SLIT3: variants seen among roughly 807,000 people sequenced by gnomAD.
SLIT3 encodes slit homolog 3 protein.
Under a neutral mutation model 184.0 loss-of-function variants are expected in SLIT3, and 68 were observed. The observed-to-expected ratio is 0.37, with a 90% CI of 0.30 to 0.45. The LOEUF (loss-of-function observed/expected upper bound fraction) is 0.45. SLIT3 is among the 20% of genes least tolerant of loss of function. SLIT3 has a pLI of 1.00. For missense variants in SLIT3, 1,707 were observed against 2,026.0 expected, an observed-to-expected ratio of 0.84 and a Z score of 3.02; for synonymous variants, 831 against 828.6, an observed-to-expected ratio of 1.00 and a Z score of -0.05.
intron 4 of SLIT3, among the ~76,000 whole-genome samples, chr5:168,916,194 T>G (rs549700877): frequency 2.7e-4 from 41 of 152,238 alleles, no homozygotes; most frequent in Non-Finnish European, 3.7e-4. Flanking sequence ...GAGCCCACAT[T>G]TGAGTGATCT....
Position 169,239,235 on chromosome 5 carries a change from A to C in SLIT3, c.341+5470T>G, listed in dbSNP as rs192619437. ...TATCCTTTTCACCTATAACTGAATT[A>C]ATTTGCTAGTATTTTGTTAGGAAAT... On this transcript the variant is annotated intron_variant, in intron 3 of 35. Coordinates refer to ENST00000519560, the MANE Select transcript of SLIT3 (RefSeq NM_003062.4). 7.2e-5 allele frequency among the ~76,000 whole-genome samples: 11 copies of C among 152,214 alleles called. No homozygotes were observed. The East Asian group carries it at 1.7e-3, about 24-fold the overall frequency.
At chr5:169,276,357 A>C (rs761272659) in intron 1 of SLIT3, among the ~76,000 whole-genome samples, 11 of 152,326 alleles carry the variant, frequency 7.2e-5, no homozygotes, top group East Asian at 1.9e-4. Context: ...CAATAAGCGG[A>C]GAAAAGTGTG....
chr5:168,691,585 C>A (rs1194888318), intron 29 of SLIT3, among the ~76,000 whole-genome samples: 1 of 152,218 alleles, frequency 6.6e-6, no homozygotes, highest in Non-Finnish European at 1.5e-5. Context: ...GAGCTCTGGG[C>A]CCAGGGCCCT....
chr5:168,898,500 C>T (rs1449995469), intron 4 of SLIT3, among the ~76,000 whole-genome samples: 1 of 151,484 alleles, frequency 6.6e-6, no homozygotes, highest in Admixed American at 6.6e-5. Context: ...ATCAATTAAG[C>T]ATGTCAATAC....
chr5:168,719,643 T>C (rs1762874200), intron 23 of SLIT3, among the ~76,000 whole-genome samples: 1 of 152,226 alleles, frequency 6.6e-6, no homozygotes, highest in African/African-American at 2.4e-5. Context: ...GTGGCCCTTG[T>C]AGGTAATACT....
intron 4 of SLIT3, among the ~76,000 whole-genome samples, chr5:169,130,973 A>G (rs991311145): frequency 6.6e-6 from 1 of 152,194 alleles, no homozygotes; most frequent in African/African-American, 2.4e-5. Flanking sequence ...GGTGAAAAAA[A>G]ATCAAGAAAC....
chr5:169,114,282 T>C (rs1021346131), intron 4 of SLIT3, among the ~76,000 whole-genome samples: 1 of 152,226 alleles, frequency 6.6e-6, no homozygotes, highest in Non-Finnish European at 1.5e-5. Flanking sequence ...AGAGCCTCCA[T>C]CTGCCTGGGC....
intron 3 of SLIT3, among the ~76,000 whole-genome samples, chr5:169,235,204 T>G (rs1765153361): frequency 6.6e-6 from 1 of 152,188 alleles, no homozygotes; most frequent in African/African-American, 2.4e-5. Flanking sequence ...TTAAATCCCT[T>G]TATCTCTATA....
intron 4 of SLIT3, among the ~76,000 whole-genome samples, chr5:169,083,485 G>A (rs1352095058): frequency 6.6e-6 from 1 of 152,204 alleles, no homozygotes; most frequent in African/African-American, 2.4e-5. Flanking sequence ...AGGGCTATCA[G>A]CACGCCTTAA....
At chr5:169,073,426 A>C (rs1457143376) in intron 4 of SLIT3, among the ~76,000 whole-genome samples, 1 of 148,024 alleles carries the variant, frequency 6.8e-6, no homozygotes, top group Non-Finnish European at 1.5e-5. Context: ...TTGGTACTGC[A>C]CCTCCTTCTT....
chr5:169,126,240 T>C (rs1364041637), intron 4 of SLIT3, among the ~76,000 whole-genome samples: 5 of 152,182 alleles, frequency 3.3e-5, no homozygotes, highest in Non-Finnish European at 7.3e-5. Flanking sequence ...CCTATTTATG[T>C]TCTGAAGTGA....
chr5:168,906,497 T>G (rs779694155), intron 4 of SLIT3, among the ~76,000 whole-genome samples: 23 of 152,212 alleles, frequency 1.5e-4, no homozygotes, highest in Non-Finnish European at 2.2e-4. Context: ...TTAAAATACC[T>G]GCATCCATTA....
intron 4 of SLIT3, among the ~76,000 whole-genome samples, chr5:168,894,966 C>A (rs1163491218): frequency 6.6e-6 from 1 of 152,168 alleles, no homozygotes; most frequent in Non-Finnish European, 1.5e-5. Context: ...ATAATCTACA[C>A]TGTGATCTGA....
At chr5:169,066,484 A>G (rs1417988823) in intron 4 of SLIT3, among the ~76,000 whole-genome samples, 3 of 152,298 alleles carry the variant, frequency 2.0e-5, no homozygotes, top group East Asian at 3.9e-4. Context: ...TAAATCAACC[A>G]CCATTCCCTG....
chr5:169,178,583 C>CCA (rs1159010838), intron 4 of SLIT3, among the ~76,000 whole-genome samples: 1 of 152,054 alleles, frequency 6.6e-6, no homozygotes, highest in African/African-American at 2.4e-5. Flanking sequence ...CCGCACCCCA[C>CCA]CACACACACA....
chr5:169,159,935 T>C (rs1484261433), intron 4 of SLIT3, among the ~76,000 whole-genome samples: 1 of 152,212 alleles, frequency 6.6e-6, no homozygotes, highest in African/African-American at 2.4e-5. Context: ...ATATAATGGC[T>C]GCCACTCCAA....
chr5:168,760,341 C>T (rs1026954287), intron 16 of SLIT3, among the ~76,000 whole-genome samples: 5 of 152,094 alleles, frequency 3.3e-5, no homozygotes, highest in Admixed American at 6.5e-5. Context: ...GGCAAGTGGG[C>T]CCTTGCCTAG....
intron 7 of SLIT3, among the ~76,000 whole-genome samples, chr5:168,820,959 C>T (rs896952125): frequency 2.0e-5 from 3 of 152,166 alleles, no homozygotes; most frequent in Admixed American, 6.5e-5. Flanking sequence ...GCCGTCCCCC[C>T]CAACCCCATA....
At chr5:169,250,499 G>A (rs1199458028) in intron 2 of SLIT3, among the ~76,000 whole-genome samples, 1 of 152,180 alleles carries the variant, frequency 6.6e-6, no homozygotes, top group Non-Finnish European at 1.5e-5. Flanking sequence ...TTCCGAATCA[G>A]GACCAGAGCC....
Sources: gnomAD v4.1 joint callset for allele counts (sites outside exome capture counted in the v4.1 genomes callset) on GRCh38, gnomAD v4.1.1 for gene constraint, MANE v1.5 for transcripts, NCBI Gene and HGNC (gene_info 2026-07-23, HGNC 2026-07-21) for gene names.